PABPC1L: variants seen among roughly 807,000 people sequenced by gnomAD.
The protein encoded by PABPC1L is polyadenylate-binding protein 1-like.
PABPC1L carries 31 observed loss-of-function variants against 66.6 expected under a neutral mutation model. That is an observed-to-expected ratio of 0.47 (90% CI 0.35 to 0.63). The LOEUF (loss-of-function observed/expected upper bound fraction) is 0.63, where lower values mean the gene tolerates loss of function less well. Among genes scored for constraint, PABPC1L ranks in the 20% least tolerant of loss-of-function variants. PABPC1L has a pLI of 0.00. For missense variants in PABPC1L, 722 were observed against 848.8 expected, an observed-to-expected ratio of 0.85 and a Z score of 1.86; for synonymous variants, 348 against 335.1, an observed-to-expected ratio of 1.04 and a Z score of -0.42.
At chr20:44,913,715 C>A (rs2066719810) in intron 2 of PABPC1L, among the ~76,000 whole-genome samples, 1 of 152,068 alleles carries the variant, frequency 6.6e-6, no homozygotes, top group East Asian at 1.9e-4. Context: ...TCACTACATT[C>A]TATTGACCAA....
chr20:44,922,977 T>A (rs2066784589), intron 6 of PABPC1L, among the ~76,000 whole-genome samples: 2 of 152,232 alleles, frequency 1.3e-5, no homozygotes, highest in African/African-American at 4.8e-5. Context: ...ATACATCCTC[T>A]TGTGTACATA....
intron 7 of PABPC1L, among the ~76,000 whole-genome samples, chr20:44,929,628 CTACTGAAAA>C (rs957314006): frequency 3.0e-4 from 45 of 151,808 alleles, no homozygotes; most frequent in African/African-American, 1.0e-3. Flanking sequence ...AACCCTCTCT[CTACTGAAAA>C]TACAAAAATT....
intron 7 of PABPC1L, 57 bp downstream of exon 7, chr20:44,924,313 T>C: frequency 2.2e-6 from 3 of 1,360,600 alleles, no homozygotes; most frequent in Non-Finnish European, 3.1e-6. Context: ...CTCACCACCA[T>C]CCCCCCACAA....
chr20:44,917,060 G>A (rs1227901181), intron 3 of PABPC1L, among the ~76,000 whole-genome samples, 189 bp downstream of exon 3: 1 of 152,200 alleles, frequency 6.6e-6, no homozygotes, highest in African/African-American at 2.4e-5. Flanking sequence ...ACATAAAGAT[G>A]GAGCTGATGA....
intron 12 of PABPC1L, 148 bp from the exon 13 acceptor site, chr20:44,937,913 A>G: frequency 9.5e-7 from 1 of 1,049,728 alleles, no homozygotes; most frequent in Non-Finnish European, 1.3e-6. Context: ...ACCTGATGTT[A>G]GAAGATCAAG....
At position 44,938,748 on chromosome 20, in the gene PABPC1L, G is replaced by C; in HGVS notation, c.*6G>C. On this transcript the variant is annotated splice_region_variant and 3_prime_UTR_variant, in exon 14 of 15. Coordinates refer to ENST00000217073, the MANE Select transcript of PABPC1L (RefSeq NM_001372179.1). ...CGAAGGCGTACATGCACTGAAACCA[G>C]GTGGGTGGAATGGTGACAGAAGCAG... 1 of 1,609,846 alleles carries C rather than the reference G, an allele frequency of 6.2e-7. No homozygotes were observed. Among genetic ancestry groups the C allele is most frequent in the Non-Finnish European group, 8.5e-7 (1 of 1,178,280 alleles).
intron 3 of PABPC1L, among the ~76,000 whole-genome samples, chr20:44,917,676 A>G (rs1433356487): frequency 6.6e-6 from 1 of 152,128 alleles, no homozygotes; most frequent in Non-Finnish European, 1.5e-5. Flanking sequence ...CCTGCCCAGA[A>G]TTTTGATTTT....
chr20:44,923,232 A>G (rs976216751), intron 6 of PABPC1L, among the ~76,000 whole-genome samples: 7 of 152,152 alleles, frequency 4.6e-5, no homozygotes, highest in Non-Finnish European at 7.4e-5. Context: ...TAGCTACTGT[A>G]TGATCTGGGG....
At chr20:44,923,296 G>T (rs2066786579) in intron 6 of PABPC1L, among the ~76,000 whole-genome samples, 1 of 152,154 alleles carries the variant, frequency 6.6e-6, no homozygotes. Flanking sequence ...AAGGATAAAA[G>T]TTTTCTTCAC....
chr20:44,924,125 A>T (rs369410066), intron 6 of PABPC1L, 36 bp from the exon 7 acceptor site: 25 of 1,540,574 alleles, frequency 1.6e-5, no homozygotes, highest in Non-Finnish European at 2.2e-5. Flanking sequence ...GGCTTGGAGG[A>T]GAAGGGGACA....
Position 44,910,356 on chromosome 20 carries a change from C to G in PABPC1L, c.193+20C>G, listed in dbSNP as rs1267930575. ...CGGACGGTGAGCCCCGGGGATGGGG[C>G]GGGAGGGGAAGGACCGACGGACAAG... On this transcript the variant is annotated intron_variant, in intron 1 of 14. Coordinates refer to ENST00000217073, the MANE Select transcript of PABPC1L (RefSeq NM_001372179.1). 1.4e-6 allele frequency: 2 copies of G among 1,477,250 alleles called. No individual in the cohort carries two copies. The highest frequency in any genetic ancestry group is 2.6e-5 in the South Asian group (2 of 76,230). The allele number at this position is 1,477,250 out of a possible 1,614,324, so 91.5% of individuals were successfully genotyped here.
intron 11 of PABPC1L, 149 bp downstream of exon 11, chr20:44,935,646 T>A: frequency 1.8e-6 from 1 of 545,968 alleles, no homozygotes; most frequent in Non-Finnish European, 3.2e-6. Context: ...GAGATCACCC[T>A]TACTGCGAGA....
At chr20:44,934,048 G>A (rs1232455835) in intron 10 of PABPC1L, among the ~76,000 whole-genome samples, 2 of 152,114 alleles carry the variant, frequency 1.3e-5, no homozygotes, top group African/African-American at 2.4e-5. Flanking sequence ...CACCATGCCC[G>A]GCTTGTTGTT....
At position 44,931,168 on chromosome 20, in the gene PABPC1L, T is replaced by G. The variant is rs1199497311; in HGVS notation, c.1239+442T>G. Reference sequence around the variant, plus strand: ...TGGCGTGATCATGGCTCCTTCCTTCTTCCCTCCCTTCCTCCCTTCCTCCCT... The same window carrying G: ...TGGCGTGATCATGGCTCCTTCCTTCGTCCCTCCCTTCCTCCCTTCCTCCCT... On this transcript the variant is annotated intron_variant, in intron 8 of 14. Coordinates refer to ENST00000217073, the MANE Select transcript of PABPC1L (RefSeq NM_001372179.1). Among the ~76,000 whole-genome samples, 128 of 128,146 alleles carry G rather than the reference T, an allele frequency of 1.0e-3. 1 individual carries two copies. The highest frequency in any genetic ancestry group is 1.6e-3 in the Non-Finnish European group (95 of 60,028). 84.1% of individuals were successfully genotyped at this position (128,146 alleles called of 152,430 possible).
At chr20:44,923,063 G>A (rs185210563) in intron 6 of PABPC1L, among the ~76,000 whole-genome samples, 32 of 152,348 alleles carry the variant, frequency 2.1e-4, no homozygotes, top group Non-Finnish European at 4.1e-4. Context: ...ATGCTATGCT[G>A]TACAATTGTG....
chr20:44,924,025 G>T, intron 6 of PABPC1L, 136 bp from the exon 7 acceptor site: 2 of 707,548 alleles, frequency 2.8e-6, no homozygotes. Flanking sequence ...CCTGGGTGCT[G>T]AGGGAGACGG....
At chr20:44,935,274 T>G (rs2066892493) in intron 10 of PABPC1L, 117 bp from the exon 11 acceptor site, 1 of 742,678 alleles carries the variant, frequency 1.3e-6, no homozygotes, top group African/African-American at 1.8e-5. Flanking sequence ...TCTAATTTCT[T>G]TACATTCTTG....
chr20:44,929,504 T>C (rs886492180), intron 7 of PABPC1L, among the ~76,000 whole-genome samples: 1 of 151,864 alleles, frequency 6.6e-6, no homozygotes, highest in Non-Finnish European at 1.5e-5. Context: ...GGGTGAAAGA[T>C]ATACAGCAGG....
chr20:44,918,772 G>T lies in PABPC1L; in HGVS notation c.504-134G>T. The T allele has an allele frequency of 2.8e-6, 3 of 1,069,018 alleles. No homozygotes were observed. In the South Asian group the frequency reaches 5.0e-5, roughly 18 times the overall value. 66.2% of individuals were successfully genotyped at this position (1,069,018 alleles called of 1,614,324 possible). On this transcript the variant is annotated intron_variant, in intron 3 of 14. Coordinates refer to ENST00000217073, the MANE Select transcript of PABPC1L (RefSeq NM_001372179.1). ...CCGGGCCTTGGGGATGTTCTAAGGA[G>T]TATTGTCCTGCCCAGTTTCCTGATG...
Sources: allele counts gnomAD v4.1 joint callset (sites outside exome capture counted in the v4.1 genomes callset), GRCh38; gene constraint gnomAD v4.1.1; transcripts MANE v1.5; gene names NCBI Gene and HGNC (gene_info 2026-07-23, HGNC 2026-07-21).